SLC12A7: variants seen among roughly 807,000 people sequenced by gnomAD.
SLC12A7 encodes solute carrier family 12 member 7.
SLC12A7 carries 100 observed loss-of-function variants against 120.6 expected under a neutral mutation model. The ratio of observed to expected loss-of-function variants is 0.83; its 90% CI spans 0.71 to 0.98. The LOEUF is 0.98. SLC12A7 is among the 50% of genes least tolerant of loss of function. The pLI is 0.00. For missense variants in SLC12A7, 1,373 were observed against 1,548.1 expected, an observed-to-expected ratio of 0.89 and a Z score of 1.90; for synonymous variants, 760 against 678.0, an observed-to-expected ratio of 1.12 and a Z score of -1.88.
At chr5:1,096,842 GA>G (rs1741284407) in intron 1 of SLC12A7, among the ~76,000 whole-genome samples, 1 of 72,126 alleles carries the variant, frequency 1.4e-5, no homozygotes, top group Non-Finnish European at 2.9e-5. Context: ...AGGAGGGAGG[GA>G]GGGAAGGAGG....
intron 1 of SLC12A7, among the ~76,000 whole-genome samples, chr5:1,111,423 C>A (rs1253116926): frequency 2.0e-5 from 3 of 152,138 alleles, no homozygotes; most frequent in Non-Finnish European, 4.4e-5. Context: ...GCAGGACGGG[C>A]CGGCCCGGGC....
At chr5:1,067,275 C>T (rs1737155839) in intron 17 of SLC12A7, among the ~76,000 whole-genome samples, 1 of 152,192 alleles carries the variant, frequency 6.6e-6, no homozygotes, top group Non-Finnish European at 1.5e-5. Flanking sequence ...AGCCAGCAAG[C>T]GGAGGCAGGG....
At chr5:1,130,472 G>C in the SLC12A7 span, among the ~76,000 whole-genome samples, 1 of 122,864 alleles carries the variant, frequency 8.1e-6, no homozygotes, top group African/African-American at 2.8e-5. Flanking sequence ...CCCCAGGAGA[G>C]GCCACCTGGG....
the SLC12A7 span, among the ~76,000 whole-genome samples, chr5:1,134,808 G>GTCCACACAGCGGGATGTTGT: frequency 6.6e-6 from 1 of 152,086 alleles, no homozygotes; most frequent in Non-Finnish European, 1.5e-5. Context: ...AAACAAGTCG[G>GTCCACACAGCGGGATGTTGT]TCCACACAGC....
chr5:1,078,898 C>T, intron 10 of SLC12A7, 140 bp from the exon 11 acceptor site: 1 of 686,758 alleles, frequency 1.5e-6, no homozygotes, highest in Non-Finnish European at 2.6e-6. Flanking sequence ...GACCGTTCTG[C>T]ATCCCATCCC....
chr5:1,090,256 G>A (rs1648710043), intron 3 of SLC12A7, among the ~76,000 whole-genome samples: 1 of 152,224 alleles, frequency 6.6e-6, no homozygotes, highest in Non-Finnish European at 1.5e-5. Context: ...GCCAAGGCTG[G>A]GGCCAGGGCA....
rs979118334 is a variant in SLC12A7, at chr5:1,079,354, C to G, written c.1396+44G>C. 3.3e-6 allele frequency: 5 copies of G among 1,517,146 alleles called. No individual in the cohort carries two copies. The Admixed American group carries it at 6.7e-5, about 20-fold the overall frequency. The allele number at this position is 1,517,146 out of a possible 1,614,324, so 94.0% of individuals were successfully genotyped here. A position where few individuals can be genotyped will look rare whatever the true frequency, so the allele number is the denominator to read the frequency against. On this transcript the variant is annotated intron_variant, in intron 10 of 23. Coordinates refer to ENST00000264930, the MANE Select transcript of SLC12A7 (RefSeq NM_006598.3). ...CCGGGGAGGGCATGGGGGCCTCCCC[C>G]CAGGCAGAGGCTGGAACCCTCGCCT...
the SLC12A7 span, among the ~76,000 whole-genome samples, chr5:1,124,217 T>C: frequency 1.7e-4 from 26 of 152,328 alleles, no homozygotes; most frequent in Non-Finnish European, 3.1e-4. Context: ...ATCTTCAGCA[T>C]AGAGATCAGC....
At chr5:1,140,841 G>T in the SLC12A7 span, among the ~76,000 whole-genome samples, 1 of 152,242 alleles carries the variant, frequency 6.6e-6, no homozygotes, top group African/African-American at 2.4e-5. Context: ...TGACAGCTCG[G>T]AGTAGCTTCT....
At chr5:1,062,395 C>T (rs559684727) in intron 20 of SLC12A7, among the ~76,000 whole-genome samples, 1 of 152,370 alleles carries the variant, frequency 6.6e-6, no homozygotes, top group East Asian at 1.9e-4. Flanking sequence ...ACAAGACAAA[C>T]TCCAGCCATC....
At position 1,069,609 on chromosome 5, in the gene SLC12A7, C is replaced by T. The variant is rs555116700; in HGVS notation, c.2241+4024G>A. Among the ~76,000 whole-genome samples the T allele has an allele frequency of 2.1e-3, 313 of 152,320 alleles. 5 individuals carry two copies. The highest frequency in any genetic ancestry group is 0.018 in the Admixed American group (277 of 15,306). On this transcript the variant is annotated intron_variant, in intron 17 of 23. Coordinates refer to ENST00000264930, the MANE Select transcript of SLC12A7 (RefSeq NM_006598.3). Reference sequence around the variant, plus strand: ...TGAGGGGGAAGGAGGAGGCTCGAGGCGCCCACGGCAGCCAGCCCTGCCTGG... The same window carrying T: ...TGAGGGGGAAGGAGGAGGCTCGAGGTGCCCACGGCAGCCAGCCCTGCCTGG...
intron 3 of SLC12A7, 121 bp downstream of exon 3, chr5:1,093,412 G>C: frequency 1.0e-6 from 1 of 999,376 alleles, no homozygotes; most frequent in Non-Finnish European, 1.5e-6. Flanking sequence ...AGGGCTGGAC[G>C]TGGCCATGAT....
At chr5:1,063,113 G>A (rs1463064206) in intron 20 of SLC12A7, 1 of 152,548 alleles carries the variant, frequency 6.6e-6, no homozygotes, top group Non-Finnish European at 1.5e-5. Flanking sequence ...CCGGGGGCAA[G>A]CGCTCCAATG....
intron 1 of SLC12A7, among the ~76,000 whole-genome samples, chr5:1,109,595 A>G (rs1411854164): frequency 6.6e-6 from 1 of 152,216 alleles, no homozygotes; most frequent in Non-Finnish European, 1.5e-5. Flanking sequence ...CCCTGGAGCC[A>G]GGCTGGGCAG....
At chr5:1,108,019 A>AACACATACATAC (rs1561114315) in intron 1 of SLC12A7, among the ~76,000 whole-genome samples, 1 of 41,394 alleles carries the variant, frequency 2.4e-5, no homozygotes, top group Non-Finnish European at 4.9e-5. Flanking sequence ...ACAGCATACA[A>AACACATACATAC]ACACACACAT....
chr5:1,060,320 T>C (rs1266272652), intron 21 of SLC12A7, 24 bp downstream of exon 21: 2 of 1,564,844 alleles, frequency 1.3e-6, no homozygotes, highest in Non-Finnish European at 1.8e-6. Context: ...AAGCCTGGTG[T>C]CTGTGGCCAC....
the SLC12A7 span, among the ~76,000 whole-genome samples, chr5:1,155,079 C>A: frequency 1.8e-4 from 27 of 151,282 alleles, no homozygotes; most frequent in Non-Finnish European, 3.8e-4. Context: ...TCTGCCTCCC[C>A]CCGCCCCCGC....
At chr5:1,148,191 T>C in the SLC12A7 span, among the ~76,000 whole-genome samples, 7 of 148,752 alleles carry the variant, frequency 4.7e-5, no homozygotes, top group African/African-American at 1.8e-4. Context: ...TTGTTGATAC[T>C]TTTTTCTTTC....
the SLC12A7 span, among the ~76,000 whole-genome samples, chr5:1,141,455 T>TGGGCACCACAGCCGCCAC: frequency 4.0e-5 from 2 of 49,678 alleles, no homozygotes; most frequent in African/African-American, 9.4e-5. Context: ...ACAGCCGCCA[T>TGGGCACCACAGCCGCCAC]GGGCACCAGA....
Sources: allele counts gnomAD v4.1 joint callset (sites outside exome capture counted in the v4.1 genomes callset), GRCh38; gene constraint gnomAD v4.1.1; transcripts MANE v1.5; gene names NCBI Gene and HGNC (gene_info 2026-07-23, HGNC 2026-07-21).